The following DAB1 variants were observed in gnomAD, a reference collection of about 807,000 sequenced individuals.
DAB1 encodes disabled homolog 1.
DAB1 carries 15 observed loss-of-function variants against 64.6 expected under a neutral mutation model. The observed-to-expected ratio is 0.23, with a 90% confidence interval of 0.16 to 0.36. The LOEUF (loss-of-function observed/expected upper bound fraction) is 0.36, where lower values mean the gene tolerates loss of function less well. Ranked by LOEUF, DAB1 falls within the 10% of genes least tolerant of loss-of-function variation. The pLI, the probability that DAB1 is intolerant of heterozygous loss-of-function variation, is 1.00. For missense variants in DAB1, 596 were observed against 706.7 expected (o/e 0.84, Z 1.78); for synonymous variants, 235 against 251.9 (o/e 0.93, Z 0.64).
At chr1:57,538,956 A>C (rs1040635240) in intron 7 of DAB1, among the ~76,000 whole-genome samples, 1 of 152,210 alleles carries the variant, frequency 6.6e-6, no homozygotes, top group African/African-American at 2.4e-5. Context: ...AACAAGGGGC[A>C]AAATGCTAAG....
rs142389832 is a variant in DAB1 at position 57,947,968 on chromosome 1, G to A, written n.388-63806C>T. On this transcript the variant is annotated intron_variant and non_coding_transcript_variant, in intron 5 of 20. Coordinates refer to the DAB1 transcript ENST00000485760. ...TTCTGTAGCCTCCTCTCCAGCTTCT[G>A]TGCATTACACTTTGGGCTCAAGAAA... Among the ~76,000 whole-genome samples, 226 of 152,262 alleles carry A rather than the reference G, an allele frequency of 1.5e-3. 1 individual carries two copies. The highest frequency in any genetic ancestry group is 4.7e-3 in the African/African-American group (195 of 41,558).
At chr1:58,105,661 A>C (rs1041201018) in intron 5 of DAB1, among the ~76,000 whole-genome samples, 1 of 152,240 alleles carries the variant, frequency 6.6e-6, no homozygotes, top group African/African-American at 2.4e-5. Flanking sequence ...AATGTTGCAC[A>C]AATTCACTTC....
At chr1:57,798,041 T>C (rs1389003949) in intron 6 of DAB1, among the ~76,000 whole-genome samples, 1 of 152,206 alleles carries the variant, frequency 6.6e-6, no homozygotes, top group East Asian at 1.9e-4. Context: ...GTACTGTTAT[T>C]AGTATTTCCA....
Position 57,591,807 on chromosome 1 carries a change from C to T in DAB1, n.625+57785G>A, listed in dbSNP as rs112800318. ...CCTCAGACAGGTGTGCAAATGTCTG[C>T]AGTGTCAGAGGCTCTGGGGAAACCG... On this transcript the variant is annotated intron_variant and non_coding_transcript_variant, in intron 7 of 20. Transcript: ENST00000485760. Among the ~76,000 whole-genome samples, 691 of 152,318 alleles carry T rather than the reference C, an allele frequency of 4.5e-3. 5 individuals carry two copies. Among genetic ancestry groups the T allele is most frequent in the Admixed American group, 0.01 (160 of 15,298 alleles).
chr1:57,906,194 G>C (rs1225541249), intron 5 of DAB1, among the ~76,000 whole-genome samples: 2 of 152,148 alleles, frequency 1.3e-5, no homozygotes, highest in African/African-American at 4.8e-5. Flanking sequence ...AGCAGCCATT[G>C]TGTATGTAGA....
chr1:57,559,663 G>A (rs966881725), intron 7 of DAB1, among the ~76,000 whole-genome samples: 2 of 151,982 alleles, frequency 1.3e-5, no homozygotes, highest in Non-Finnish European at 2.9e-5. Flanking sequence ...GTGGGTCCCC[G>A]GACTCATCCT....
chr1:58,116,069 T>C (rs550489821), intron 5 of DAB1, among the ~76,000 whole-genome samples: 1 of 152,184 alleles, frequency 6.6e-6, no homozygotes, highest in South Asian at 2.1e-4. Context: ...ACTCAGTTTG[T>C]CAACCTGCCT....
At chr1:57,817,005 C>T (rs563998782) in intron 6 of DAB1, among the ~76,000 whole-genome samples, 159 of 152,238 alleles carry the variant, frequency 1.0e-3, no homozygotes, top group Non-Finnish European at 1.1e-3. Context: ...TTCTATTATG[C>T]CCTTTATGAC....
At chr1:58,041,472 G>A (rs986296821) in intron 5 of DAB1, among the ~76,000 whole-genome samples, 2 of 152,148 alleles carry the variant, frequency 1.3e-5, no homozygotes, top group African/African-American at 4.8e-5. Flanking sequence ...GAGCATTAAG[G>A]TCTATATACT....
At chr1:57,016,721 T>C (rs554659368) in intron 11 of DAB1, among the ~76,000 whole-genome samples, 1 of 152,276 alleles carries the variant, frequency 6.6e-6, no homozygotes, top group South Asian at 2.1e-4. Flanking sequence ...ACTGTATTAT[T>C]CTTTTTAGGT....
intron 1 of DAB1, among the ~76,000 whole-genome samples, chr1:57,851,872 T>C (rs1202523221): frequency 3.9e-5 from 6 of 152,328 alleles, no homozygotes; most frequent in Admixed American, 2.0e-4. Flanking sequence ...CATTTTGCCC[T>C]GTCATTCACA....
intron 4 of DAB1, among the ~76,000 whole-genome samples, chr1:57,118,063 A>G (rs1656298497): frequency 1.3e-5 from 2 of 152,226 alleles, no homozygotes; most frequent in Non-Finnish European, 2.9e-5. Flanking sequence ...GAGCTGGCAT[A>G]TATCTTTCAG....
At chr1:57,428,891 G>T (rs538840596), upstream of DAB1, among the ~76,000 whole-genome samples, 21 of 142,150 alleles carry the variant, frequency 1.5e-4, no homozygotes, top group African/African-American at 5.1e-4. Context: ...TGTTTGTTTT[G>T]ATTTTTTTTG....
chr1:57,899,567 T>G (rs1199887700), intron 5 of DAB1, among the ~76,000 whole-genome samples: 3 of 152,070 alleles, frequency 2.0e-5, no homozygotes, highest in Non-Finnish European at 4.4e-5. Flanking sequence ...CCCCAACTCC[T>G]ACACCCTACC....
At chr1:58,293,066 C>T (rs1352008943) in intron 4 of DAB1, among the ~76,000 whole-genome samples, 1 of 152,148 alleles carries the variant, frequency 6.6e-6, no homozygotes, top group Non-Finnish European at 1.5e-5. Context: ...AAACTCAGAG[C>T]CAAGGCTTGA....
intron 6 of DAB1, among the ~76,000 whole-genome samples, chr1:57,686,573 G>C (rs181768713): frequency 1.2e-3 from 183 of 152,248 alleles, no homozygotes; most frequent in African/African-American, 4.3e-3. Flanking sequence ...TCAGTCTGAT[G>C]CCAAAATCTG....
intron 4 of DAB1, among the ~76,000 whole-genome samples, chr1:58,223,597 G>A (rs1184799909): frequency 6.6e-6 from 1 of 152,186 alleles, no homozygotes; most frequent in African/African-American, 2.4e-5. Flanking sequence ...GGAGGATGGA[G>A]GAGTATTTAA....
intron 7 of DAB1, among the ~76,000 whole-genome samples, chr1:57,589,379 G>A (rs1459513930): frequency 6.6e-6 from 1 of 151,990 alleles, no homozygotes; most frequent in Non-Finnish European, 1.5e-5. Flanking sequence ...GAAAGATAAA[G>A]GATAATATCT....
intron 9 of DAB1, among the ~76,000 whole-genome samples, chr1:57,031,665 C>T (rs1202076119): frequency 6.6e-6 from 1 of 152,206 alleles, no homozygotes; most frequent in Non-Finnish European, 1.5e-5. Context: ...ATCACTTTAC[C>T]AAACCTTAGT....
Sources: gnomAD v4.1 joint callset for allele counts (sites outside exome capture counted in the v4.1 genomes callset) on GRCh38, gnomAD v4.1.1 for gene constraint, MANE v1.5 for transcripts, NCBI Gene and HGNC (gene_info 2026-07-23, HGNC 2026-07-21) for gene names.